The following DYNC1LI1 variants were observed in gnomAD, a reference collection of about 807,000 sequenced individuals.
The protein encoded by DYNC1LI1 is dynein cytoplasmic 1 light intermediate chain 1, also known as cytoplasmic dynein 1 light intermediate chain 1.
In DYNC1LI1, 19 loss-of-function variants were observed where a neutral mutation model predicts 63.8. That is an observed-to-expected ratio of 0.30 (90% CI 0.21 to 0.44). The LOEUF (loss-of-function observed/expected upper bound fraction) is 0.44. DYNC1LI1 is among the 20% of genes least tolerant of loss of function. The pLI is 1.00. For synonymous variants in DYNC1LI1, 225 were observed against 232.3 expected, an observed-to-expected ratio of 0.97 and a Z score of 0.28; for missense variants, 565 against 630.2, an observed-to-expected ratio of 0.90 and a Z score of 1.11.
At chr3:32,542,163 T>A (rs931369435) in intron 4 of DYNC1LI1, among the ~76,000 whole-genome samples, 2 of 152,226 alleles carry the variant, frequency 1.3e-5, no homozygotes, top group Admixed American at 6.5e-5. Flanking sequence ...TCACCCATGC[T>A]GGAGTGCAGC....
In DYNC1LI1 at chr3:32,528,285, T is replaced by C. The variant is rs142359848; in HGVS notation, c.1462+161A>G. ...AAAGAGAGAAGGTTCAAGGTTTCTT[T>C]TGGGGAGATAAAAATGTTCTAAAAT... On this transcript the variant is annotated intron_variant, in intron 12 of 12. Transcript: ENST00000273130. 9.7e-4 allele frequency among the ~76,000 whole-genome samples: 147 copies of C among 152,242 alleles called. 1 individual carries two copies. The highest frequency in any genetic ancestry group is 3.2e-3 in the African/African-American group (131 of 41,518).
At chr3:32,541,887 C>T (rs1236707717) in intron 4 of DYNC1LI1, among the ~76,000 whole-genome samples, 1 of 152,278 alleles carries the variant, frequency 6.6e-6, no homozygotes, top group Middle Eastern at 3.4e-3. Flanking sequence ...GGGATTTCCA[C>T]GTAACTCTTT....
intron 2 of DYNC1LI1, chr3:32,570,015 G>A (rs1698321146): frequency 4.6e-6 from 2 of 438,630 alleles, no homozygotes; most frequent in Non-Finnish European, 8.3e-6. Context: ...TGTGATGAAA[G>A]AAAACCTGTC....
intron 6 of DYNC1LI1, among the ~76,000 whole-genome samples, chr3:32,535,093 C>A (rs1055623763): frequency 6.6e-6 from 1 of 152,154 alleles, no homozygotes; most frequent in African/African-American, 2.4e-5. Flanking sequence ...GAATTAAAGA[C>A]TTCAGGGATA....
intron 2 of DYNC1LI1, 154 bp downstream of exon 2, chr3:32,570,192 C>G: frequency 1.3e-6 from 1 of 744,166 alleles, no homozygotes; most frequent in Non-Finnish European, 2.4e-6. Context: ...TCGTGTTCCC[C>G]TTCTCTCCCA....
intron 2 of DYNC1LI1, among the ~76,000 whole-genome samples, chr3:32,549,514 T>C (rs546889109): frequency 6.6e-6 from 1 of 152,180 alleles, no homozygotes; most frequent in African/African-American, 2.4e-5. Context: ...ATTTGGATTA[T>C]CCCACAAAAA....
At chr3:32,563,267 A>T (rs943979812) in intron 2 of DYNC1LI1, among the ~76,000 whole-genome samples, 7 of 152,024 alleles carry the variant, frequency 4.6e-5, no homozygotes. Context: ...AAGGCCCAAA[A>T]AGGTTAGTCC....
chr3:32,566,150 T>C (rs570151063), intron 2 of DYNC1LI1, among the ~76,000 whole-genome samples: 9 of 152,160 alleles, frequency 5.9e-5, no homozygotes, highest in African/African-American at 1.9e-4. Flanking sequence ...CACGCACCTG[T>C]AGTCCCAGCT....
Position 32,559,937 on chromosome 3 carries a change from G to C in DYNC1LI1, c.220+10409C>G, listed in dbSNP as rs578140380. Among the ~76,000 whole-genome samples, 148 of 152,256 alleles carry C rather than the reference G, an allele frequency of 9.7e-4. 1 individual carries two copies. The highest frequency in any genetic ancestry group is 3.4e-3 in the African/African-American group (140 of 41,538). ...ACAGGTTATCTGGAGGACCCAGGTA[G>C]GGTGAGGGACTTTAGGTGTGCTCCC... On this transcript the variant is annotated intron_variant, in intron 2 of 12. Transcript: ENST00000273130.
At chr3:32,569,670 T>C (rs530332434) in intron 2 of DYNC1LI1, among the ~76,000 whole-genome samples, 1 of 152,246 alleles carries the variant, frequency 6.6e-6, no homozygotes, top group South Asian at 2.1e-4. Context: ...CCAGAGTCAC[T>C]AAAGAAACAG....
chr3:32,539,039 G>A (rs1199813480), intron 5 of DYNC1LI1, among the ~76,000 whole-genome samples: 1 of 152,056 alleles, frequency 6.6e-6, no homozygotes, highest in Admixed American at 6.6e-5. Flanking sequence ...TGGAAAGTAA[G>A]ACTGCTTTTC....
At chr3:32,537,462 C>G (rs1458367228) in intron 5 of DYNC1LI1, among the ~76,000 whole-genome samples, 3 of 152,124 alleles carry the variant, frequency 2.0e-5, no homozygotes, top group South Asian at 4.1e-4. Flanking sequence ...TTTAAAAAAT[C>G]TAACATCTAT....
At chr3:32,530,564 C>T in intron 8 of DYNC1LI1, 44 bp from the exon 9 acceptor site, 27 of 1,468,480 alleles carry the variant, frequency 1.8e-5, no homozygotes, top group Non-Finnish European at 2.4e-5. Context: ...ATATATTATG[C>T]TAACACAATT....
At chr3:32,551,604 C>T (rs768986662) in intron 2 of DYNC1LI1, among the ~76,000 whole-genome samples, 1 of 152,082 alleles carries the variant, frequency 6.6e-6, no homozygotes, top group Non-Finnish European at 1.5e-5. Flanking sequence ...AGAGACAAGA[C>T]AATAGGCTAT....
In DYNC1LI1 at chr3:32,530,381, G is replaced by A. The variant is rs1181633557; in HGVS notation, c.1141-53C>T. 5 of 1,585,910 alleles carry A rather than the reference G, an allele frequency of 3.2e-6. No homozygotes were observed. In the Admixed American group the frequency reaches 5.1e-5, roughly 16 times the overall value. On this transcript the variant is annotated intron_variant, in intron 9 of 12. Coordinates refer to ENST00000273130, the MANE Select transcript of DYNC1LI1 (RefSeq NM_016141.4). ...AGTTTAGACATTCATAGCATATACTGGTGTATTTTTAAAGAAAATACACAC... is the reference window on the plus strand; with the variant it reads ...AGTTTAGACATTCATAGCATATACTAGTGTATTTTTAAAGAAAATACACAC...
In DYNC1LI1 at chr3:32,541,120, T is replaced by C. The variant is rs1559437740; in HGVS notation, c.655A>G (p.Lys219Glu). The C allele has an allele frequency of 1.2e-6, 2 of 1,613,816 alleles. No individual in the cohort carries two copies. Among genetic ancestry groups the C allele is most frequent in the Non-Finnish European group, 1.7e-6 (2 of 1,179,790 alleles). ...QRRNTASQED[K>E]DDSVVLPLGA... is the part of the protein sequence containing the mutation. Reference sequence around the variant, plus strand: ...AGAGGTAAAACTACACTGTCATCTTTGTCTTCTTGTGACGCAGTATTTCTT... The same window carrying C: ...AGAGGTAAAACTACACTGTCATCTTCGTCTTCTTGTGACGCAGTATTTCTT... Residue 219 changes from lysine to glutamate, a missense_variant, in exon 5 of 13, where the codon AAA (lysine) becomes GAA (glutamate). Lys to Glu is a moderately conservative substitution (Grantham distance 56). Transcript: ENST00000273130.
In DYNC1LI1 at chr3:32,533,063, T is replaced by C. The variant is rs1336462211; in HGVS notation, c.1003A>G (p.Ile335Val). 5 of 1,603,828 alleles carry C rather than the reference T, an allele frequency of 3.1e-6. No homozygotes were observed. Among genetic ancestry groups the C allele is most frequent in the Non-Finnish European group, 3.4e-6 (4 of 1,177,948 alleles). ...AATGTTTGAAAATTTTCATGTAATA[T>C]TCCTATTTTCTTATCATTATCCCAC... is the stretch of plus-strand genomic sequence containing the variant. Reference protein sequence around the residue: ...AGWDNDKKIGILHENFQTLKA... With the variant: ...AGWDNDKKIGVLHENFQTLKA... The change falls in exon 8 of 13, where the codon ATA becomes GTA. Residue 335 changes from isoleucine to valine, a missense_variant. Ile to Val is a conservative substitution (Grantham distance 29). Coordinates refer to ENST00000273130, the MANE Select transcript of DYNC1LI1 (RefSeq NM_016141.4).
At chr3:32,538,714 A>AT (rs1048733409) in intron 5 of DYNC1LI1, among the ~76,000 whole-genome samples, 9 of 151,252 alleles carry the variant, frequency 6.0e-5, no homozygotes, top group African/African-American at 1.2e-4. Context: ...AAAAAAAAAA[A>AT]TTTTTTTTAA....
At chr3:32,545,167 A>G in intron 3 of DYNC1LI1, 61 bp from the exon 4 acceptor site, 1 of 1,103,572 alleles carries the variant, frequency 9.1e-7, no homozygotes, top group Non-Finnish European at 1.4e-6. Flanking sequence ...TCATCCAACT[A>G]ACAGTACCAC....
Sources: allele counts gnomAD v4.1 joint callset (sites outside exome capture counted in the v4.1 genomes callset), GRCh38; gene constraint gnomAD v4.1.1; transcripts MANE v1.5; gene names NCBI Gene and HGNC (gene_info 2026-07-23, HGNC 2026-07-21).